The following BTD variants were observed in gnomAD, a reference collection of about 807,000 sequenced individuals.
BTD encodes biotinidase.
Under a neutral mutation model 17.7 loss-of-function variants are expected in BTD, and 13 were observed. The ratio of observed to expected loss-of-function variants is 0.74; its 90% CI spans 0.48 to 1.17. The LOEUF (loss-of-function observed/expected upper bound fraction) is 1.17, where lower values mean the gene tolerates loss of function less well. BTD is among the 50% of genes most tolerant of loss of function. The pLI, the probability that BTD is intolerant of heterozygous loss-of-function variation, is 0.00. For missense variants in BTD, 674 were observed against 650.4 expected, an observed-to-expected ratio of 1.04 and a Z score of -0.39; for synonymous variants, 240 against 245.2, an observed-to-expected ratio of 0.98 and a Z score of 0.20.
At chr3:15,658,527 ATT>A (rs58540376), downstream of BTD, among the ~76,000 whole-genome samples, 22 of 150,980 alleles carry the variant, frequency 1.5e-4, no homozygotes, top group Non-Finnish European at 2.2e-4. Flanking sequence ...CTTCAGACCG[ATT>A]TTTTTTTTTA....
At chr3:15,631,361 A>C in intron 1 of BTD, 2 of 1,064,136 alleles carry the variant, frequency 1.9e-6, no homozygotes, top group South Asian at 3.4e-5. Flanking sequence ...AGATTTTTTA[A>C]TGTATGTATC....
Position 15,644,403 on chromosome 3 carries a change from G to A in BTD, c.487G>A (p.Asp163Asn), listed in dbSNP as rs1281578221. Residue 163 changes from aspartate to asparagine, a missense_variant, in exon 4 of 4, where the codon GAC becomes AAC. Transcript: ENST00000643237. ...LGTKEPCHSS[D>N]PRCPKDGRYQ... ...GACAAAGGAGCCTTGTCATAGCAGTGACCCAAGGTGCCCAAAAGATGGGAG... is the reference window on the plus strand; with the variant it reads ...GACAAAGGAGCCTTGTCATAGCAGTAACCCAAGGTGCCCAAAAGATGGGAG... 5 of 1,614,042 alleles carry A rather than the reference G, an allele frequency of 3.1e-6. No homozygotes were observed. The South Asian group carries it at 4.4e-5, about 14-fold the overall frequency.
exon 4 of BTD, chr3:15,712,307 A>C: frequency 8.8e-7 from 1 of 1,133,686 alleles, no homozygotes; most frequent in Non-Finnish European, 1.3e-6. Context: ...AGACCACTTA[A>C]GTGAAAGATA....
intron 2 of BTD, among the ~76,000 whole-genome samples, chr3:15,637,639 G>T (rs1046590486): frequency 8.5e-5 from 13 of 152,308 alleles, no homozygotes; most frequent in African/African-American, 3.1e-4. Flanking sequence ...ACCCCAGGCT[G>T]TGCCCTCAGA....
chr3:15,659,957 C>T (rs1403483718), intron 3 of BTD, among the ~76,000 whole-genome samples: 1 of 152,186 alleles, frequency 6.6e-6, no homozygotes, highest in Non-Finnish European at 1.5e-5. Context: ...AAAGTGACAG[C>T]GTTCAGATTC....
Position 15,602,257 on chromosome 3 carries a change from T to G in BTD, c.-17+363T>G, listed in dbSNP as rs929264974. 3 of 1,263,098 alleles carry G rather than the reference T, an allele frequency of 2.4e-6. No homozygotes were observed. The African/African-American group carries it at 4.5e-5, about 19-fold the overall frequency. 78.2% of individuals were successfully genotyped at this position (1,263,098 alleles called of 1,614,324 possible). A position where few individuals can be genotyped will look rare whatever the true frequency, so the allele number is the denominator to read the frequency against. On this transcript the variant is annotated intron_variant, in intron 1 of 3. Coordinates refer to ENST00000643237, the MANE Select transcript of BTD (RefSeq NM_001370658.1). ...CGTGCCTGAGATCCTGAATCCTGTT[T>G]CCTACCCACTATTCAGCCATTGGGT...
chr3:15,660,103 C>T (rs145183189), intron 3 of BTD, among the ~76,000 whole-genome samples: 1 of 152,362 alleles, frequency 6.6e-6, no homozygotes, highest in African/African-American at 2.4e-5. Flanking sequence ...ATTCCTACCA[C>T]AACCCCATGA....
intron 1 of BTD, among the ~76,000 whole-genome samples, chr3:15,607,124 C>T (rs904197934): frequency 9.9e-5 from 15 of 151,988 alleles, no homozygotes; most frequent in African/African-American, 1.9e-4. Context: ...GTGCATACTC[C>T]GTAAGGACTA....
At chr3:15,614,688 C>T (rs1263384898) in intron 1 of BTD, among the ~76,000 whole-genome samples, 1 of 150,946 alleles carries the variant, frequency 6.6e-6, no homozygotes, top group Non-Finnish European at 1.5e-5. Flanking sequence ...ACCTCCGCCT[C>T]TGAGCTCAAG....
exon 4 of BTD, chr3:15,711,198 A>G (rs1340000233): frequency 6.2e-7 from 1 of 1,601,924 alleles, no homozygotes; most frequent in Admixed American, 1.7e-5. Context: ...AAATAAAAAT[A>G]CTATTAACAT....
rs1459579879 is a variant in BTD at position 15,648,809 on chromosome 3, G to T, written c.*3321G>T. On this transcript the variant is annotated 3_prime_UTR_variant, in exon 4 of 4. Coordinates refer to ENST00000643237, the MANE Select transcript of BTD (RefSeq NM_001370658.1). ...AGTAACTGGGCCCTTAATCCAATAT[G>T]ACATGTCCTTATCAGAAGAGGAGAA... is the stretch of plus-strand genomic sequence containing the variant. 6.6e-6 allele frequency among the ~76,000 whole-genome samples: 1 copy of T among 152,014 alleles called. No homozygotes were observed. The highest frequency in any genetic ancestry group is 1.5e-5 in the Non-Finnish European group (1 of 68,014).
At chr3:15,601,979 G>C (rs1559571263) in intron 1 of BTD, 85 bp downstream of exon 1, 7 of 1,577,014 alleles carry the variant, frequency 4.4e-6, no homozygotes, top group Non-Finnish European at 1.7e-6. Context: ...AGTTGGACTT[G>C]GGGAGGGCTG....
intron 3 of BTD, chr3:15,676,225 C>T (rs572382347): frequency 5.1e-6 from 2 of 388,862 alleles, no homozygotes; most frequent in Non-Finnish European, 9.1e-6. Context: ...GTCCCATCGA[C>T]AGGTCCCTAC....
At chr3:15,676,964 C>G in intron 3 of BTD, 2 of 1,606,466 alleles carry the variant, frequency 1.2e-6, no homozygotes, top group South Asian at 1.1e-5. Flanking sequence ...TAGATACTGA[C>G]AGTACTCACG....
rs1383120097 is a variant in BTD, at chr3:15,646,178, G to A, written c.*690G>A. 6.6e-6 allele frequency: 1 copy of A among 152,256 alleles called. No homozygotes were observed. The highest frequency in any genetic ancestry group is 1.9e-4 in the East Asian group (1 of 5,206). The allele number at this position is 152,256 out of a possible 1,614,324, so 9.4% of individuals were successfully genotyped here. ...ACTGGAGAGAGTGCAACGCTTCGGG[G>A]TGAAGGGCGGGTGGGGACTGGAAAT... On this transcript the variant is annotated 3_prime_UTR_variant, in exon 4 of 4. Transcript: ENST00000643237.
chr3:15,648,845 C>A lies in BTD; in HGVS notation c.*3357C>A, dbSNP rs1233027787. ...ATCAGAAGAGGAGAAGACACACACA[C>A]AGGGAGAAGATGACCATGTGACAAC... On this transcript the variant is annotated 3_prime_UTR_variant, in exon 4 of 4. Coordinates refer to ENST00000643237, the MANE Select transcript of BTD (RefSeq NM_001370658.1). Among the ~76,000 whole-genome samples, 1 of 152,028 alleles carries A rather than the reference C, an allele frequency of 6.6e-6. No homozygotes were observed. The highest frequency in any genetic ancestry group is 2.4e-5 in the African/African-American group (1 of 41,378).
chr3:15,661,265 CAAAA>C (rs56165902), intron 3 of BTD, among the ~76,000 whole-genome samples: 47 of 93,762 alleles, frequency 5.0e-4, no homozygotes, highest in African/African-American at 1.6e-3. Flanking sequence ...GACTCTGTCT[CAAAA>C]AAAAAAAAAA....
chr3:15,716,828 G>A (rs1444393587), downstream of BTD, among the ~76,000 whole-genome samples: 1 of 152,168 alleles, frequency 6.6e-6, no homozygotes, highest in Non-Finnish European at 1.5e-5. Context: ...CAGGCACGGT[G>A]GCTCATATCT....
intron 1 of BTD, among the ~76,000 whole-genome samples, chr3:15,614,565 T>A (rs542733197): frequency 6.6e-6 from 1 of 152,108 alleles, no homozygotes; most frequent in Non-Finnish European, 1.5e-5. Flanking sequence ...CCACAAAATG[T>A]CTCCATTTGG....
Sources: allele counts gnomAD v4.1 joint callset (sites outside exome capture counted in the v4.1 genomes callset), GRCh38; gene constraint gnomAD v4.1.1; transcripts MANE v1.5; gene names NCBI Gene and HGNC (gene_info 2026-07-23, HGNC 2026-07-21).